Variants in CNTNAP4 observed in about 807,000 individuals in gnomAD.
CNTNAP4 encodes the protein contactin associated protein family member 4.
CNTNAP4 carries 98 observed loss-of-function variants against 148.4 expected under a neutral mutation model. The ratio of observed to expected loss-of-function variants is 0.66; its 90% CI spans 0.56 to 0.78. CNTNAP4 has a LOEUF of 0.78. Among genes scored for constraint, CNTNAP4 ranks in the 30% least tolerant of loss-of-function variants. CNTNAP4 has a pLI of 0.00. For synonymous variants in CNTNAP4, 730 were observed against 565.1 expected, an observed-to-expected ratio of 1.29 and a Z score of -4.14; for missense variants, 1,935 against 1,565.6, an observed-to-expected ratio of 1.24 and a Z score of -3.98.
chr16:76,286,755 T>C (rs1958904443), intron 1 of CNTNAP4, among the ~76,000 whole-genome samples: 1 of 152,178 alleles, frequency 6.6e-6, no homozygotes, highest in African/African-American at 2.4e-5. Context: ...TTTGGCTGAT[T>C]TTAAACAAAA....
At chr16:76,399,676 A>G (rs1412673803) in intron 3 of CNTNAP4, among the ~76,000 whole-genome samples, 1 of 152,204 alleles carries the variant, frequency 6.6e-6, no homozygotes, top group African/African-American at 2.4e-5. Context: ...TCTGGTGTAT[A>G]TGTAACATAT....
chr16:76,367,570 A>T (rs1279301526), intron 3 of CNTNAP4, among the ~76,000 whole-genome samples: 1 of 152,192 alleles, frequency 6.6e-6, no homozygotes, highest in Non-Finnish European at 1.5e-5. Context: ...TGACATTCTG[A>T]CTGACTGAAT....
chr16:76,429,045 T>C (rs548750603), intron 4 of CNTNAP4, among the ~76,000 whole-genome samples: 2 of 152,300 alleles, frequency 1.3e-5, no homozygotes, highest in East Asian at 3.9e-4. Context: ...TTTCCTCTAG[T>C]TGTTGAATAA....
chr16:76,434,161 T>C (rs1299449209), intron 4 of CNTNAP4, among the ~76,000 whole-genome samples: 2 of 149,920 alleles, frequency 1.3e-5, no homozygotes, highest in South Asian at 4.2e-4. Flanking sequence ...TATTGAAATA[T>C]CGAATATATA....
intron 1 of CNTNAP4, among the ~76,000 whole-genome samples, chr16:76,282,527 A>T (rs551469637): frequency 5.9e-5 from 9 of 152,002 alleles, no homozygotes; most frequent in Middle Eastern, 3.4e-3. Context: ...ATATGAGGAA[A>T]ATGTTTTTGA....
chr16:76,398,441 G>A (rs947032247), intron 3 of CNTNAP4, among the ~76,000 whole-genome samples: 19 of 152,018 alleles, frequency 1.2e-4, no homozygotes, highest in African/African-American at 3.1e-4. Flanking sequence ...TGCACCTACC[G>A]TGTCTTCCCT....
At chr16:76,316,278 G>A (rs901577420) in intron 1 of CNTNAP4, 135 bp from the exon 2 acceptor site, 12 of 716,544 alleles carry the variant, frequency 1.7e-5, no homozygotes, top group Non-Finnish European at 3.1e-5. Context: ...AGCCCTGGAA[G>A]TAGTAGGCAT....
intron 8 of CNTNAP4, among the ~76,000 whole-genome samples, chr16:76,459,944 T>C (rs1220186932): frequency 2.0e-5 from 3 of 152,244 alleles, no homozygotes; most frequent in African/African-American, 7.2e-5. Context: ...GATTGCTTTT[T>C]AGAGGTGATA....
chr16:76,520,701 T>C (rs1227557947), intron 15 of CNTNAP4, among the ~76,000 whole-genome samples: 2 of 152,146 alleles, frequency 1.3e-5, no homozygotes. Context: ...AGTGTGTGTG[T>C]TAGAAGTGTT....
At chr16:76,318,098 C>T (rs1017974491) in intron 2 of CNTNAP4, among the ~76,000 whole-genome samples, 3 of 152,128 alleles carry the variant, frequency 2.0e-5, no homozygotes, top group African/African-American at 7.2e-5. Context: ...ATGGCCATTC[C>T]AGGCCCTGTA....
chr16:76,504,634 G>C (rs1308017614), intron 15 of CNTNAP4, among the ~76,000 whole-genome samples: 1 of 152,050 alleles, frequency 6.6e-6, no homozygotes, highest in East Asian at 1.9e-4. Flanking sequence ...TCACTAAAAA[G>C]CTTCTGCCTT....
intron 8 of CNTNAP4, among the ~76,000 whole-genome samples, chr16:76,458,760 G>C (rs2080829649): frequency 6.6e-6 from 1 of 152,146 alleles, no homozygotes; most frequent in African/African-American, 2.4e-5. Context: ...CCACAGACCT[G>C]GTATCGGTCC....
intron 2 of CNTNAP4, among the ~76,000 whole-genome samples, chr16:76,326,209 A>T (rs926351197): frequency 6.6e-6 from 1 of 152,232 alleles, no homozygotes; most frequent in Admixed American, 6.5e-5. Flanking sequence ...CATGAATATA[A>T]ATGCAGAATG....
chr16:76,479,323 T>G, intron 11 of CNTNAP4, 96 bp from the exon 12 acceptor site: 2 of 1,155,962 alleles, frequency 1.7e-6, no homozygotes, highest in South Asian at 1.9e-5. Context: ...GTAATGTACA[T>G]TTTAAATTTC....
At chr16:76,495,121 C>A in intron 14 of CNTNAP4, 55 bp downstream of exon 14, 2 of 1,581,206 alleles carry the variant, frequency 1.3e-6, no homozygotes, top group Non-Finnish European at 1.7e-6. Flanking sequence ...AAAAATTAAT[C>A]ACTCAAAGTA....
intron 2 of CNTNAP4, among the ~76,000 whole-genome samples, chr16:76,347,732 T>C (rs933819688): frequency 3.3e-5 from 5 of 152,088 alleles, no homozygotes; most frequent in South Asian, 2.1e-4. Flanking sequence ...GCTTCTGAGA[T>C]GGAAAATGAC....
At chr16:76,299,219 G>A (rs1324250577) in intron 1 of CNTNAP4, among the ~76,000 whole-genome samples, 5 of 152,206 alleles carry the variant, frequency 3.3e-5, no homozygotes, top group African/African-American at 7.2e-5. Flanking sequence ...GCAACATACA[G>A]AATGGGAGAA....
chr16:76,396,097 C>G (rs1395855312), intron 3 of CNTNAP4, among the ~76,000 whole-genome samples: 1 of 152,188 alleles, frequency 6.6e-6, no homozygotes, highest in African/African-American at 2.4e-5. Context: ...AAGGAAAGAC[C>G]TCAACATCAA....
intron 4 of CNTNAP4, among the ~76,000 whole-genome samples, chr16:76,445,903 T>C (rs2080221940): frequency 6.6e-6 from 1 of 152,224 alleles, no homozygotes; most frequent in Admixed American, 6.5e-5. Flanking sequence ...TCTTAATTTA[T>C]TGTAATCTAA....
Sources: gnomAD v4.1 joint callset for allele counts (sites outside exome capture counted in the v4.1 genomes callset) on GRCh38, gnomAD v4.1.1 for gene constraint, MANE v1.5 for transcripts, NCBI Gene and HGNC (gene_info 2026-07-23, HGNC 2026-07-21) for gene names.